TMEM218: variants seen among roughly 807,000 people sequenced by gnomAD.
The protein encoded by TMEM218 is transmembrane protein 218.
A neutral mutation model predicts 10.0 loss-of-function variants in TMEM218; 8 were observed. That is an observed-to-expected ratio of 0.80 (90% CI 0.47 to 1.44). The LOEUF (loss-of-function observed/expected upper bound fraction) is 1.44. Among genes scored for constraint, TMEM218 ranks in the 40% most tolerant of loss-of-function variants. The probability of loss-of-function intolerance (pLI) is 0.00; values close to 1 mark genes in which losing one functional copy is unlikely to be tolerated. For synonymous variants in TMEM218, 66 were observed against 63.5 expected (o/e 1.04, Z -0.18); for missense variants, 110 against 140.1 (o/e 0.79, Z 1.08).
chr11:125,110,474 T>G (rs1216152303), intron 1 of TMEM218: 1 of 152,244 alleles, frequency 6.6e-6, no homozygotes, highest in Non-Finnish European at 1.5e-5. Context: ...GTTCATTTAA[T>G]GGTTGTTTCT....
rs1320497745 is a variant in TMEM218 at position 125,097,380 on chromosome 11, A to C, written c.*226T>G. ...ATCCTAAGGTACGGGTACTAAGAAGATAGCAATATCCTTCTTAAGCTGGTA... is the reference window on the plus strand; with the variant it reads ...ATCCTAAGGTACGGGTACTAAGAAGCTAGCAATATCCTTCTTAAGCTGGTA... On this transcript the variant is annotated 3_prime_UTR_variant, in exon 5 of 5. Transcript: ENST00000682305. The C allele has an allele frequency of 2.4e-6, 1 of 424,758 alleles. No homozygotes were observed. Among genetic ancestry groups the C allele is most frequent in the Non-Finnish European group, 4.1e-6 (1 of 241,866 alleles). 26.3% of individuals were successfully genotyped at this position (424,758 alleles called of 1,614,324 possible). A position where few individuals can be genotyped will look rare whatever the true frequency, so the allele number is the denominator to read the frequency against.
Position 125,097,022 on chromosome 11 carries a change from AAGTC to A in TMEM218, c.*580_*583del, listed in dbSNP as rs1453709414. 6.6e-6 allele frequency: 1 copy of A among 152,218 alleles called. No homozygotes were observed. Among genetic ancestry groups the A allele is most frequent in the Non-Finnish European group, 1.5e-5 (1 of 68,038 alleles). The allele number at this position is 152,218 out of a possible 1,614,324, so 9.4% of individuals were successfully genotyped here. A position where few individuals can be genotyped will look rare whatever the true frequency, so the allele number is the denominator to read the frequency against. On this transcript the variant is annotated 3_prime_UTR_variant, in exon 5 of 5. Coordinates refer to ENST00000682305, the MANE Select transcript of TMEM218 (RefSeq NM_001258244.2). Reference sequence around the variant, plus strand: ...AGCCGTGGCCAAGAGTTCGAAGTGAAAGTCAGCCCTTTAGCTATTATTTATTGCT... The same window carrying A: ...AGCCGTGGCCAAGAGTTCGAAGTGAAAGCCCTTTAGCTATTATTTATTGCT...
rs540901815 is a variant in TMEM218, at chr11:125,108,053, T to C, written c.-153+3486A>G. Among the ~76,000 whole-genome samples the C allele has an allele frequency of 2.6e-5, 4 of 152,258 alleles. No individual in the cohort carries two copies. The highest frequency in any genetic ancestry group is 2.0e-4 in the Admixed American group (3 of 15,294). On this transcript the variant is annotated intron_variant, in intron 1 of 4. Coordinates refer to ENST00000682305, the MANE Select transcript of TMEM218 (RefSeq NM_001258244.2). This position sits in a 1 kb window ranked among gnomAD's most constrained non-coding sequence, Gnocchi z 5.3. ...ACCAAAGTCTAAAAACAATTTTTTG[T>C]GGAACTTGAAAACGGATCCTAAATT...
At chr11:125,103,978 C>A (rs182594590) in intron 1 of TMEM218, 74 of 152,356 alleles carry the variant, frequency 4.9e-4, no homozygotes, top group African/African-American at 1.7e-3. Flanking sequence ...CACTGCGCTA[C>A]AAGCTGGGGA....
intron 1 of TMEM218, among the ~76,000 whole-genome samples, chr11:125,110,235 CCTT>C (rs1369972004): frequency 1.3e-5 from 2 of 152,160 alleles, no homozygotes; most frequent in Non-Finnish European, 2.9e-5. Context: ...CATCATTAAA[CCTT>C]CTTTGAGAAG....
Position 125,102,268 on chromosome 11 carries a change from C to T in TMEM218, c.-27G>A, listed in dbSNP as rs372694804. Reference sequence around the variant, plus strand: ...CCGCGGGGAGGCAGCGGCGGCCCCCCGCCCTGCGCGCCGCACGATCGAGTG... The same window carrying T: ...CCGCGGGGAGGCAGCGGCGGCCCCCTGCCCTGCGCGCCGCACGATCGAGTG... On this transcript the variant is annotated 5_prime_UTR_variant, in exon 3 of 5. Coordinates refer to ENST00000682305, the MANE Select transcript of TMEM218 (RefSeq NM_001258244.2). The T allele has an allele frequency of 2.4e-5, 38 of 1,606,076 alleles. No individual in the cohort carries two copies. The highest frequency in any genetic ancestry group is 6.6e-5 in the South Asian group (6 of 90,458).
intron 4 of TMEM218, among the ~76,000 whole-genome samples, chr11:125,098,347 C>G (rs1409217591): frequency 1.3e-5 from 2 of 152,178 alleles, no homozygotes; most frequent in Admixed American, 6.5e-5. Context: ...AGACAGTGGG[C>G]TGCCTGGCCT....
chr11:125,097,782 A>G (rs3737350), intron 4 of TMEM218, 42 bp from the exon 5 acceptor site: 758,077 of 1,594,966 alleles, frequency 0.48, 184,648 homozygotes, highest in East Asian at 0.7. Context: ...TACCAGTTAG[A>G]CACCCTGGCT....
chr11:125,099,978 A>G (rs1270841458), intron 4 of TMEM218, among the ~76,000 whole-genome samples: 1 of 151,944 alleles, frequency 6.6e-6, no homozygotes, highest in East Asian at 1.9e-4. Context: ...TGGCTCACAC[A>G]TGTGGTACCC....
rs749383598 is a variant in TMEM218, at chr11:125,102,289, G to A, written c.-48C>T. 67 of 1,593,434 alleles carry A rather than the reference G, an allele frequency of 4.2e-5. No individual in the cohort carries two copies. Among genetic ancestry groups the A allele is most frequent in the East Asian group, 2.3e-5 (1 of 44,206 alleles). Reference sequence around the variant, plus strand: ...CCCCCGCCCTGCGCGCCGCACGATCGAGTGTCCTCTGTGCTCCAGTGCAAC... The same window carrying A: ...CCCCCGCCCTGCGCGCCGCACGATCAAGTGTCCTCTGTGCTCCAGTGCAAC... On this transcript the variant is annotated 5_prime_UTR_variant, in exon 3 of 5. Transcript: ENST00000682305.
At chr11:125,102,700 T>C in intron 2 of TMEM218, 34 bp downstream of exon 2, 2 of 1,290,828 alleles carry the variant, frequency 1.5e-6, no homozygotes, top group South Asian at 2.5e-5. Flanking sequence ...GTTGAAGCTC[T>C]CAGGTTAAAT....
chr11:125,102,492 G>GT lies in TMEM218; in HGVS notation c.-76-176dup, dbSNP rs1179055110. ...TTAGAACCCAAAGCCTTTCTCTTTG[G>GT]TGGGGACTGAGAGGGTGTTTTCCGC... On this transcript the variant is annotated intron_variant, in intron 2 of 4. Transcript: ENST00000682305. The GT allele has an allele frequency of 4.1e-6, 6 of 1,459,646 alleles. No individual in the cohort carries two copies. In the East Asian group the frequency reaches 1.6e-4, roughly 38 times the overall value. 90.4% of individuals were successfully genotyped at this position (1,459,646 alleles called of 1,614,324 possible).
chr11:125,102,386 T>C (rs979377553), intron 2 of TMEM218, 69 bp from the exon 3 acceptor site: 5 of 1,525,970 alleles, frequency 3.3e-6, no homozygotes, highest in Admixed American at 4.2e-5. Context: ...TGATGATCAG[T>C]GTGTTAGGAG....
Position 125,101,242 on chromosome 11 carries a change from G to A in TMEM218, c.172C>T (p.Pro58Ser). The change falls in exon 4 of 5, where the codon CCG becomes TCG. Residue 58 changes from proline to serine, a missense_variant. Pro to Ser is a moderately conservative substitution (Grantham distance 74, BLOSUM62 -1). Transcript: ENST00000682305. ...GGGGCTGGGAATTCACCAGCTCGCG[G>A]GAAAAGCAACAGAACTGATGTGATG... ...VIITSVLLLF[P>S]RAGEFPAPEV... 1 of 1,613,528 alleles carries A rather than the reference G, an allele frequency of 6.2e-7. No homozygotes were observed. Among genetic ancestry groups the A allele is most frequent in the Non-Finnish European group, 8.5e-7 (1 of 1,179,734 alleles).
Position 125,110,642 on chromosome 11 carries a change from ACTAT to A in TMEM218, c.-153+893_-153+896del, listed in dbSNP as rs200345498. 2.6e-5 allele frequency: 4 copies of A among 152,308 alleles called. No homozygotes were observed. In the East Asian group the frequency reaches 7.7e-4, roughly 29 times the overall value. 9.4% of individuals were successfully genotyped at this position (152,308 alleles called of 1,614,324 possible). A position where few individuals can be genotyped will look rare whatever the true frequency, so the allele number is the denominator to read the frequency against. On this transcript the variant is annotated intron_variant, in intron 1 of 4. Transcript: ENST00000682305. Reference sequence around the variant, plus strand: ...TATAAGATGACTTATAAGATGACTTACTATCTAAGACAAATGTGGATTCCTCAGA... The same window carrying A: ...TATAAGATGACTTATAAGATGACTTACTAAGACAAATGTGGATTCCTCAGA...
At chr11:125,111,428 A>C (rs1197198750) in intron 1 of TMEM218, 111 bp downstream of exon 1, 2 of 150,872 alleles carry the variant, frequency 1.3e-5, no homozygotes, top group Non-Finnish European at 3.0e-5. Context: ...GATCAGCGGT[A>C]AGGGTGGTCT....
In TMEM218 at chr11:125,101,104, A is replaced by T. The variant is rs192095485; in HGVS notation, c.213+97T>A. The T allele has an allele frequency of 1.5e-4, 142 of 977,442 alleles. No individual in the cohort carries two copies. In the African/African-American group the frequency reaches 2.0e-3, roughly 14 times the overall value. The allele number at this position is 977,442 out of a possible 1,614,324, so 60.5% of individuals were successfully genotyped here. A position where few individuals can be genotyped will look rare whatever the true frequency, so the allele number is the denominator to read the frequency against. On this transcript the variant is annotated intron_variant, in intron 4 of 4. Coordinates refer to ENST00000682305, the MANE Select transcript of TMEM218 (RefSeq NM_001258244.2). ...ACTTTACAATTCTGACATCTCAGGCAACCCGATGTCAGGGAACATCAAGGG... is the reference window on the plus strand; with the variant it reads ...ACTTTACAATTCTGACATCTCAGGCTACCCGATGTCAGGGAACATCAAGGG...
rs1385577730 is a variant in TMEM218 at position 125,108,014 on chromosome 11, T to A, written c.-153+3525A>T. ...TCTCAATTTTCCTTAACCTATAAAT[T>A]CAATGCAATCCTAACCAAAGTCTAA... On this transcript the variant is annotated intron_variant, in intron 1 of 4. Coordinates refer to ENST00000682305, the MANE Select transcript of TMEM218 (RefSeq NM_001258244.2). This position sits in a 1 kb window ranked among gnomAD's most constrained non-coding sequence, Gnocchi z 5.3. Among the ~76,000 whole-genome samples the A allele has an allele frequency of 6.6e-6, 1 of 152,030 alleles. No homozygotes were observed. The highest frequency in any genetic ancestry group is 6.6e-5 in the Admixed American group (1 of 15,254).
At chr11:125,105,556 A>G (rs1210181105) in intron 1 of TMEM218, among the ~76,000 whole-genome samples, 1 of 152,220 alleles carries the variant, frequency 6.6e-6, no homozygotes, top group Non-Finnish European at 1.5e-5. Flanking sequence ...AATAATGACA[A>G]TTTTTGAGGG....
Sources: gnomAD v4.1 joint callset for allele counts (sites outside exome capture counted in the v4.1 genomes callset) on GRCh38, gnomAD v4.1.1 for gene constraint, Gnocchi (gnomAD v3.1) non-coding constraint, MANE v1.5 for transcripts, NCBI Gene and HGNC (gene_info 2026-07-23, HGNC 2026-07-21) for gene names.